The following GSK3B variants were observed in gnomAD, a reference collection of about 807,000 sequenced individuals.
GSK3B encodes the protein glycogen synthase kinase 3 beta.
A neutral mutation model predicts 56.4 loss-of-function variants in GSK3B; 15 were observed. The observed-to-expected ratio is 0.27, with a 90% CI of 0.18 to 0.41. The LOEUF (loss-of-function observed/expected upper bound fraction) is 0.41, where lower values mean the gene tolerates loss of function less well. GSK3B is among the 10% of genes least tolerant of loss of function. The probability of loss-of-function intolerance (pLI) is 1.00; values close to 1 mark genes in which losing one functional copy is unlikely to be tolerated. For synonymous variants in GSK3B, 181 were observed against 188.9 expected (o/e 0.96, Z 0.34); for missense variants, 300 against 513.4 (o/e 0.58, Z 4.02).
rs182556468 is a variant in GSK3B, at chr3:120,040,324, G to A, written c.89-38085C>T. Among the ~76,000 whole-genome samples, 953 of 152,312 alleles carry A rather than the reference G, an allele frequency of 6.3e-3. 6 individuals carry two copies. Among genetic ancestry groups the A allele is most frequent in the Non-Finnish European group, 0.011 (718 of 68,018 alleles). On this transcript the variant is annotated intron_variant, in intron 1 of 10. Coordinates refer to ENST00000264235, the MANE Select transcript of GSK3B (RefSeq NM_001146156.2). ...GGGCGGCCCTTTGGGGATCCTGTCA[G>A]GAGTTTATACTGACCCGCCATCAAT...
intron 1 of GSK3B, among the ~76,000 whole-genome samples, chr3:120,030,923 C>T (rs12635018): frequency 0.24 from 36,749 of 152,034 alleles, 4,889 homozygotes; most frequent in East Asian, 0.48. Context: ...AATGGAAAAC[C>T]AAGATCTGCC....
At chr3:120,088,121 T>C (rs544084288) in intron 1 of GSK3B, among the ~76,000 whole-genome samples, 162 of 152,318 alleles carry the variant, frequency 1.1e-3, no homozygotes, top group Non-Finnish European at 1.7e-3. Flanking sequence ...CTTGATCTCC[T>C]GACCTCGTGA....
In GSK3B at chr3:119,951,746, T is replaced by C. The variant is rs1033906547; in HGVS notation, c.283-4395A>G. Among the ~76,000 whole-genome samples the C allele has an allele frequency of 2.6e-5, 4 of 151,950 alleles. No homozygotes were observed. The East Asian group carries it at 7.7e-4, about 29-fold the overall frequency. On this transcript the variant is annotated intron_variant, in intron 2 of 10. Transcript: ENST00000264235. ...GCTGTTGGATTTAGCAGATAAAGAA[T>C]ACAAAGCAGCTATTATAATTTATAA...
At chr3:119,987,331 A>G (rs1396207601) in intron 2 of GSK3B, among the ~76,000 whole-genome samples, 2 of 152,224 alleles carry the variant, frequency 1.3e-5, no homozygotes, top group African/African-American at 2.4e-5. Context: ...TATAATAATA[A>G]AAGTTAATGG....
chr3:119,895,239 T>A (rs2056549111), intron 7 of GSK3B, among the ~76,000 whole-genome samples: 1 of 152,166 alleles, frequency 6.6e-6, no homozygotes, highest in African/African-American at 2.4e-5. Flanking sequence ...ACCCATGTTG[T>A]CACAAACGAC....
intron 2 of GSK3B, among the ~76,000 whole-genome samples, chr3:119,965,375 T>A (rs1217708395): frequency 1.3e-5 from 2 of 151,536 alleles, no homozygotes; most frequent in African/African-American, 2.4e-5. Context: ...TTTTTTTTTT[T>A]TATTTTTATA....
At chr3:119,955,754 A>G (rs2057207793) in intron 2 of GSK3B, among the ~76,000 whole-genome samples, 1 of 152,094 alleles carries the variant, frequency 6.6e-6, no homozygotes, top group Non-Finnish European at 1.5e-5. Context: ...CCTGGGTTCA[A>G]GCGATTCTCC....
At chr3:120,024,156 T>C (rs763669427) in intron 1 of GSK3B, among the ~76,000 whole-genome samples, 1 of 151,894 alleles carries the variant, frequency 6.6e-6, no homozygotes, top group Non-Finnish European at 1.5e-5. Flanking sequence ...TATAGTGAGA[T>C]ACTGTCTCTA....
At chr3:119,872,601 T>C (rs899360418) in intron 8 of GSK3B, among the ~76,000 whole-genome samples, 1 of 152,210 alleles carries the variant, frequency 6.6e-6, no homozygotes, top group African/African-American at 2.4e-5. Context: ...AGGTAGGAGG[T>C]TGTTTTTAAT....
intron 2 of GSK3B, among the ~76,000 whole-genome samples, chr3:119,981,535 T>G (rs762705594): frequency 6.6e-6 from 1 of 152,258 alleles, no homozygotes; most frequent in East Asian, 1.9e-4. Flanking sequence ...GCTGACAAGA[T>G]GATTCTCTCC....
intron 8 of GSK3B, among the ~76,000 whole-genome samples, chr3:119,867,043 G>A (rs1455784846): frequency 6.6e-6 from 1 of 151,990 alleles, no homozygotes; most frequent in African/African-American, 2.4e-5. Context: ...GCTGGGAGGG[G>A]GCATATTAGC....
At chr3:119,936,786 C>T (rs1243063601) in intron 3 of GSK3B, among the ~76,000 whole-genome samples, 2 of 151,862 alleles carry the variant, frequency 1.3e-5, no homozygotes, top group East Asian at 3.9e-4. Context: ...GGCAGCTGTA[C>T]AATAGTTGGA....
intron 2 of GSK3B, among the ~76,000 whole-genome samples, chr3:119,949,502 C>T (rs911926897): frequency 3.9e-5 from 6 of 151,962 alleles, no homozygotes; most frequent in Admixed American, 6.6e-5. Context: ...AAAGATAATA[C>T]GGCTGCATCA....
At chr3:120,036,749 C>T (rs528117235) in intron 1 of GSK3B, among the ~76,000 whole-genome samples, 51 of 144,392 alleles carry the variant, frequency 3.5e-4, no homozygotes, top group African/African-American at 9.0e-4. Flanking sequence ...GCCAAGATCA[C>T]GCCACTGCAC....
At chr3:120,032,292 T>C (rs1576284777) in intron 1 of GSK3B, among the ~76,000 whole-genome samples, 1 of 152,158 alleles carries the variant, frequency 6.6e-6, no homozygotes, top group Non-Finnish European at 1.5e-5. Flanking sequence ...CTGGCCGATA[T>C]GGTGAAACCC....
intron 3 of GSK3B, among the ~76,000 whole-genome samples, chr3:119,926,481 C>T (rs188564154): frequency 6.6e-6 from 1 of 152,156 alleles, no homozygotes; most frequent in East Asian, 1.9e-4. Context: ...AAGCTACTAT[C>T]ACCTTTCACG....
At chr3:119,965,203 C>T (rs950823158) in intron 2 of GSK3B, among the ~76,000 whole-genome samples, 1 of 150,664 alleles carries the variant, frequency 6.6e-6, no homozygotes, top group Non-Finnish European at 1.5e-5. Context: ...CAGGCACCTG[C>T]CACCAAGTCC....
In GSK3B at chr3:119,947,356, A is replaced by G; in HGVS notation, c.283-5T>C. On this transcript the variant is annotated splice_polypyrimidine_tract_variant and splice_region_variant and intron_variant, in intron 2 of 10. Coordinates refer to ENST00000264235, the MANE Select transcript of GSK3B (RefSeq NM_001146156.2). ...CATGATCTGGAGCTCTCGATTCTGA[A>G]AAGGAAACACATAAAAATATATTTT... is the stretch of plus-strand genomic sequence containing the variant. The G allele has an allele frequency of 6.5e-7, 1 of 1,527,720 alleles. No individual in the cohort carries two copies. Among genetic ancestry groups the G allele is most frequent in the Non-Finnish European group, 9.1e-7 (1 of 1,102,512 alleles). The allele number at this position is 1,527,720 out of a possible 1,614,324, so 94.6% of individuals were successfully genotyped here. A position where few individuals can be genotyped will look rare whatever the true frequency, so the allele number is the denominator to read the frequency against.
At chr3:120,017,072 G>A (rs376706312) in intron 1 of GSK3B, among the ~76,000 whole-genome samples, 4 of 152,108 alleles carry the variant, frequency 2.6e-5, no homozygotes, top group African/African-American at 9.7e-5. Context: ...ACGCTTATCC[G>A]TTTGATTTAC....
Sources: allele counts gnomAD v4.1 joint callset (sites outside exome capture counted in the v4.1 genomes callset), GRCh38; gene constraint gnomAD v4.1.1; transcripts MANE v1.5; gene names NCBI Gene and HGNC (gene_info 2026-07-23, HGNC 2026-07-21).